The following TPTE2 variants were observed in gnomAD, a reference collection of about 807,000 sequenced individuals.
TPTE2 encodes the protein transmembrane phosphoinositide 3-phosphatase and tensin homolog 2.
In TPTE2, 53 loss-of-function variants were observed where a neutral mutation model predicts 78.6. The observed-to-expected ratio is 0.67, with a 90% CI of 0.54 to 0.85. TPTE2 has a LOEUF of 0.85. Ranked by LOEUF, TPTE2 falls within the 40% of genes least tolerant of loss-of-function variation. The pLI, the probability that TPTE2 is intolerant of heterozygous loss-of-function variation, is 0.00. For synonymous variants in TPTE2, 175 were observed against 206.2 expected, an observed-to-expected ratio of 0.85 and a Z score of 1.30; for missense variants, 461 against 623.0, an observed-to-expected ratio of 0.74 and a Z score of 2.77.
chr13:19,514,928 T>G lies in TPTE2; in HGVS notation c.-43-11651A>C, dbSNP rs76318496. ...CCCCTGGCTTGGCTAATTTAATCTCTCTGCAACTTTATTTCTTCATCTGTA... is the reference window on the plus strand; with the variant it reads ...CCCCTGGCTTGGCTAATTTAATCTCGCTGCAACTTTATTTCTTCATCTGTA... On this transcript the variant is annotated intron_variant, in intron 1 of 17. Coordinates refer to the TPTE2 transcript ENST00000390680. 3.3e-3 allele frequency among the ~76,000 whole-genome samples: 504 copies of G among 152,268 alleles called. 19 individuals are homozygous for G. In the East Asian group the frequency reaches 0.068, roughly 20 times the overall value.
chr13:19,482,931 T>C (rs1311227061), intron 3 of TPTE2, among the ~76,000 whole-genome samples: 1 of 152,138 alleles, frequency 6.6e-6, no homozygotes, highest in Admixed American at 6.5e-5. Flanking sequence ...AAAAACTGCA[T>C]TAAGCAACTC....
At chr13:19,464,470 T>C in exon 10 of TPTE2, 2 of 1,612,862 alleles carry the variant, frequency 1.2e-6, no homozygotes, top group South Asian at 1.1e-5. Context: ...ATTGGATTTC[T>C]ATAGAAAGAC....
chr13:19,503,338 G>T, upstream of TPTE2: 6 of 1,556,772 alleles, frequency 3.9e-6, no homozygotes, highest in Non-Finnish European at 4.4e-6. Flanking sequence ...TACTTTTCTC[G>T]TAAAACTAGC....
At chr13:19,537,390 T>C (rs1031135333), upstream of TPTE2, among the ~76,000 whole-genome samples, 3 of 151,714 alleles carry the variant, frequency 2.0e-5, no homozygotes, top group East Asian at 1.9e-4. Flanking sequence ...CCTGCCACCA[T>C]GCCCAGCTAA....
intron 1 of TPTE2, among the ~76,000 whole-genome samples, chr13:19,511,011 T>A (rs1869395936): frequency 6.6e-6 from 1 of 152,200 alleles, no homozygotes; most frequent in Non-Finnish European, 1.5e-5. Context: ...CATCATGCAT[T>A]ACTGATGAGA....
In TPTE2 at chr13:19,492,907, G is replaced by C; in HGVS notation, c.66-4C>G. On this transcript the variant is annotated splice_polypyrimidine_tract_variant and splice_region_variant and intron_variant, in intron 2 of 19. Transcript: ENST00000400230. The stretch of plus-strand genomic sequence containing the variant: ...TTTAAATTCACTTGTGTGTGGGCTA[G>C]AGGATGATAAAAGAATACAGTCAGA... 1.9e-6 allele frequency: 3 copies of C among 1,613,960 alleles called. No homozygotes were observed. The highest frequency in any genetic ancestry group is 2.5e-6 in the Non-Finnish European group (3 of 1,179,836).
chr13:19,494,724 A>T (rs551877759), intron 1 of TPTE2, among the ~76,000 whole-genome samples: 1 of 152,268 alleles, frequency 6.6e-6, no homozygotes, highest in Admixed American at 6.5e-5. Context: ...TACATCTTTT[A>T]TAATTCACCT....
chr13:19,484,408 G>T (rs968313144), intron 3 of TPTE2, among the ~76,000 whole-genome samples: 1 of 152,194 alleles, frequency 6.6e-6, no homozygotes, highest in African/African-American at 2.4e-5. Context: ...AATGTTTCAT[G>T]TGCTGATGAA....
chr13:19,547,587 A>G, the TPTE2 span, among the ~76,000 whole-genome samples: 2 of 152,106 alleles, frequency 1.3e-5, no homozygotes, highest in East Asian at 3.9e-4. Flanking sequence ...CATTATTCAA[A>G]AGGAAAACGG....
At position 19,448,844 on chromosome 13, in the gene TPTE2, G is replaced by A. The variant is rs569650008; in HGVS notation, c.973+1232C>T. 4.6e-4 allele frequency among the ~76,000 whole-genome samples: 70 copies of A among 152,276 alleles called. 1 individual carries two copies. Among genetic ancestry groups the A allele is most frequent in the Admixed American group, 4.0e-3 (61 of 15,300 alleles). ...CAAAGGAAATGAAATCTGCACTCCC[G>A]TGTTCACTGCAGCATTATTCATAAT... is the stretch of plus-strand genomic sequence containing the variant. On this transcript the variant is annotated intron_variant, in intron 13 of 19. Transcript: ENST00000400230.
At chr13:19,496,485 G>T (rs1881319352) in intron 1 of TPTE2, among the ~76,000 whole-genome samples, 1 of 152,146 alleles carries the variant, frequency 6.6e-6, no homozygotes, top group Admixed American at 6.5e-5. Flanking sequence ...CACCCATCAT[G>T]CTAGTCTTTC....
intron 4 of TPTE2, 99 bp downstream of exon 7, chr13:19,482,389 A>G (rs1347175450): frequency 7.3e-7 from 1 of 1,373,604 alleles, no homozygotes; most frequent in African/African-American, 1.5e-5. Flanking sequence ...ATCTTTCCAT[A>G]GTTTCCCTTT....
Position 19,430,452 on chromosome 13 carries a change from A to C in TPTE2, c.1302+16T>G, listed in dbSNP as rs572518633. On this transcript the variant is annotated intron_variant, in intron 17 of 19. Coordinates refer to ENST00000400230, the Ensembl canonical transcript of TPTE2. ...AACAAACATCAGATTTTTTCAATTC[A>C]CATGTTTTCTCTTACCGAACAATTT... 2 of 1,592,532 alleles carry C rather than the reference A, an allele frequency of 1.3e-6. No homozygotes were observed. Among genetic ancestry groups the C allele is most frequent in the Non-Finnish European group, 8.6e-7 (1 of 1,163,990 alleles).
intron 13 of TPTE2, among the ~76,000 whole-genome samples, chr13:19,447,184 C>T (rs964473981): frequency 1.3e-5 from 2 of 152,088 alleles, no homozygotes; most frequent in Non-Finnish European, 2.9e-5. Flanking sequence ...AAAGAGGCTG[C>T]TCTGGTACAT....
intron 1 of TPTE2, among the ~76,000 whole-genome samples, chr13:19,497,150 C>T (rs925890386): frequency 1.5e-4 from 23 of 151,998 alleles, no homozygotes; most frequent in African/African-American, 3.9e-4. Context: ...GAGGGTCCTA[C>T]GCCCACGGAG....
At chr13:19,478,861 G>A (rs1312884283) in intron 4 of TPTE2, among the ~76,000 whole-genome samples, 1 of 152,092 alleles carries the variant, frequency 6.6e-6, no homozygotes, top group African/African-American at 2.4e-5. Flanking sequence ...TCCTTTGTAG[G>A]GACATGGATG....
intron 17 of TPTE2, among the ~76,000 whole-genome samples, chr13:19,429,175 A>T (rs1399966492): frequency 6.6e-6 from 1 of 152,228 alleles, no homozygotes; most frequent in African/African-American, 2.4e-5. Flanking sequence ...AATGAGAGGA[A>T]TATTTCAGGA....
intron 1 of TPTE2, among the ~76,000 whole-genome samples, chr13:19,496,947 G>C (rs1225768167): frequency 6.8e-6 from 1 of 147,212 alleles, no homozygotes; most frequent in Non-Finnish European, 1.5e-5. Context: ...TGCGCGCACC[G>C]TGCGCGAGCC....
At chr13:19,473,922 A>G in exon 6 of TPTE2, 1 of 1,599,394 alleles carries the variant, frequency 6.3e-7, no homozygotes. Context: ...ACCCTTCTAC[A>G]AATACTCGAA....
Sources: gnomAD v4.1 joint callset for allele counts (sites outside exome capture counted in the v4.1 genomes callset) on GRCh38, gnomAD v4.1.1 for gene constraint, MANE v1.5 for transcripts, NCBI Gene and HGNC (gene_info 2026-07-23, HGNC 2026-07-21) for gene names.